Variants in SHC4 observed in about 807,000 individuals in gnomAD.
SHC4 encodes SHC adaptor protein 4, also known as SHC-transforming protein 4.
A neutral mutation model predicts 69.4 loss-of-function variants in SHC4; 41 were observed. That is an observed-to-expected ratio of 0.59 (90% CI 0.46 to 0.77). The LOEUF (loss-of-function observed/expected upper bound fraction) is 0.77. Ranked by LOEUF, SHC4 falls within the 30% of genes least tolerant of loss-of-function variation. The pLI is 0.00. For synonymous variants in SHC4, 318 were observed against 299.3 expected (o/e 1.06, Z -0.64); for missense variants, 777 against 783.8 (o/e 0.99, Z 0.10).
At chr15:48,875,885 G>A (rs1440910514) in intron 4 of SHC4, among the ~76,000 whole-genome samples, 1 of 152,160 alleles carries the variant, frequency 6.6e-6, no homozygotes, top group African/African-American at 2.4e-5. Context: ...ACAACATTTT[G>A]CAGTATGTGA....
At chr15:48,914,670 A>G (rs1455363232) in intron 2 of SHC4, among the ~76,000 whole-genome samples, 1 of 152,238 alleles carries the variant, frequency 6.6e-6, no homozygotes, top group Non-Finnish European at 1.5e-5. Context: ...TTTAAAGAAT[A>G]AAATGTATAC....
chr15:48,862,332 G>T (rs1899463138), intron 6 of SHC4, among the ~76,000 whole-genome samples: 1 of 152,030 alleles, frequency 6.6e-6, no homozygotes, highest in Non-Finnish European at 1.5e-5. Context: ...CACACATTTG[G>T]AGTAAGACAA....
At chr15:48,955,465 G>A (rs1001315268) in intron 1 of SHC4, among the ~76,000 whole-genome samples, 1 of 152,136 alleles carries the variant, frequency 6.6e-6, no homozygotes, top group South Asian at 2.1e-4. Context: ...TATGAACATG[G>A]AAATGAGAGG....
intron 2 of SHC4, 107 bp from the exon 3 acceptor site, chr15:48,890,918 T>G: frequency 8.8e-7 from 1 of 1,136,966 alleles, no homozygotes; most frequent in Non-Finnish European, 1.3e-6. Flanking sequence ...ACATACATAA[T>G]AGTGAGTCTA....
intron 1 of SHC4, among the ~76,000 whole-genome samples, chr15:48,928,518 T>C (rs111511968): frequency 0.017 from 2,634 of 152,066 alleles, 79 homozygotes; most frequent in African/African-American, 0.061. Flanking sequence ...GAGACCCACG[T>C]GAGGAGAGTG....
chr15:48,877,365 G>C (rs1237382444), intron 4 of SHC4: 4 of 826,246 alleles, frequency 4.8e-6, no homozygotes, highest in African/African-American at 1.9e-5. Context: ...ATAAAGTGCA[G>C]AATAAATGAA....
chr15:48,938,969 T>G (rs1329011999), intron 1 of SHC4, among the ~76,000 whole-genome samples: 1 of 152,228 alleles, frequency 6.6e-6, no homozygotes, highest in East Asian at 1.9e-4. Context: ...CTCAGTTTCC[T>G]CATCCATAAA....
chr15:48,900,294 G>A (rs1000992224), intron 2 of SHC4, among the ~76,000 whole-genome samples: 1 of 152,072 alleles, frequency 6.6e-6, no homozygotes, highest in African/African-American at 2.4e-5. Flanking sequence ...GATGACCTGA[G>A]GTCAGGAGTT....
At chr15:48,875,733 T>G (rs1222971706) in intron 4 of SHC4, among the ~76,000 whole-genome samples, 1 of 152,234 alleles carries the variant, frequency 6.6e-6, no homozygotes, top group African/African-American at 2.4e-5. Flanking sequence ...CATCGGTATA[T>G]GCATGGGTGG....
chr15:48,901,388 G>A (rs1287450088), intron 2 of SHC4, among the ~76,000 whole-genome samples: 1 of 152,180 alleles, frequency 6.6e-6, no homozygotes, highest in South Asian at 2.1e-4. Context: ...CTTGGTACAG[G>A]AAGTTGGGTA....
chr15:48,860,328 A>T (rs1899417304), intron 6 of SHC4, among the ~76,000 whole-genome samples: 1 of 152,032 alleles, frequency 6.6e-6, no homozygotes, highest in African/African-American at 2.4e-5. Flanking sequence ...AACATGGTGA[A>T]ACCCCGTATC....
At chr15:48,861,918 C>T (rs563966339) in intron 6 of SHC4, among the ~76,000 whole-genome samples, 43 of 152,258 alleles carry the variant, frequency 2.8e-4, no homozygotes, top group South Asian at 1.2e-3. Context: ...TATATTTGTT[C>T]TTAATAAACA....
At chr15:48,931,150 T>C (rs778945187) in intron 1 of SHC4, among the ~76,000 whole-genome samples, 3 of 152,222 alleles carry the variant, frequency 2.0e-5, no homozygotes, top group Non-Finnish European at 4.4e-5. Context: ...TCTCCTTTGC[T>C]AGTTTCTTAT....
At chr15:48,834,633 C>T in intron 11 of SHC4, 136 bp downstream of exon 11, 2 of 1,298,716 alleles carry the variant, frequency 1.5e-6, no homozygotes, top group South Asian at 1.4e-5. Context: ...TTAGCATGTC[C>T]TGCTCCAGCT....
chr15:48,953,296 T>A (rs1231408289), intron 1 of SHC4, among the ~76,000 whole-genome samples: 1 of 151,934 alleles, frequency 6.6e-6, no homozygotes, highest in Non-Finnish European at 1.5e-5. Flanking sequence ...GGGAGAGGAT[T>A]AGGAAAAATA....
At chr15:48,932,077 T>C (rs1212934111) in intron 1 of SHC4, among the ~76,000 whole-genome samples, 1 of 152,080 alleles carries the variant, frequency 6.6e-6, no homozygotes, top group East Asian at 1.9e-4. Flanking sequence ...AATATGGCCC[T>C]CCCTAAGATG....
intron 1 of SHC4, among the ~76,000 whole-genome samples, chr15:48,948,232 T>C (rs995380280): frequency 6.6e-6 from 1 of 152,234 alleles, no homozygotes; most frequent in African/African-American, 2.4e-5. Context: ...TGCTCTCTGC[T>C]CTTCAAGGGC....
intron 1 of SHC4, among the ~76,000 whole-genome samples, chr15:48,953,550 C>G (rs1284139880): frequency 6.6e-6 from 1 of 152,214 alleles, no homozygotes; most frequent in East Asian, 1.9e-4. Flanking sequence ...TCAGTTTCCT[C>G]TCCATCTACC....
At chr15:48,942,400 T>C (rs1284683202) in intron 1 of SHC4, among the ~76,000 whole-genome samples, 1 of 152,094 alleles carries the variant, frequency 6.6e-6, no homozygotes, top group African/African-American at 2.4e-5. Context: ...AACGCTGTTA[T>C]AACTTAAATA....
Sources: allele counts gnomAD v4.1 joint callset (sites outside exome capture counted in the v4.1 genomes callset), GRCh38; gene constraint gnomAD v4.1.1; transcripts MANE v1.5; gene names NCBI Gene and HGNC (gene_info 2026-07-23, HGNC 2026-07-21).